The following CECR2 variants were observed in gnomAD, a reference collection of about 807,000 sequenced individuals.
CECR2 encodes CECR2 histone acetyl-lysine reader, also known as chromatin remodeling regulator CECR2.
CECR2 carries 30 observed loss-of-function variants against 154.5 expected under a neutral mutation model. The observed-to-expected ratio is 0.19, with a 90% CI of 0.15 to 0.26. CECR2 has a LOEUF of 0.26. Among genes scored for constraint, CECR2 ranks in the 10% least tolerant of loss-of-function variants. CECR2 has a pLI of 1.00. For missense variants in CECR2, 1,743 were observed against 1,829.3 expected, an observed-to-expected ratio of 0.95 and a Z score of 0.86; for synonymous variants, 725 against 683.7, an observed-to-expected ratio of 1.06 and a Z score of -0.94.
At chr22:17,475,310 T>C (rs569303897) in intron 1 of CECR2, among the ~76,000 whole-genome samples, 4 of 152,248 alleles carry the variant, frequency 2.6e-5, no homozygotes, top group African/African-American at 9.6e-5. Context: ...CTTTCTAGAA[T>C]GGAGAACATT....
chr22:17,485,636 C>CA (rs981078404), intron 2 of CECR2, among the ~76,000 whole-genome samples: 2 of 151,944 alleles, frequency 1.3e-5, no homozygotes, highest in African/African-American at 4.8e-5. Flanking sequence ...TAGTGGGGTA[C>CA]AGTGGCGCAC....
At chr22:17,510,523 G>T (rs1016608518) in intron 7 of CECR2, among the ~76,000 whole-genome samples, 5 of 151,994 alleles carry the variant, frequency 3.3e-5, no homozygotes, top group Non-Finnish European at 7.4e-5. Context: ...TAGGTTTTTC[G>T]GGACAAGTAC....
rs568685769 is a variant in CECR2 at position 17,407,323 on chromosome 22, C to T, written c.126+37414C>T. ...GGCTATAATTGAAAGAGGCCGGGTG[C>T]GGTGGCTCACGCCTGTAATCCCAGC... is the stretch of plus-strand genomic sequence containing the variant. On this transcript the variant is annotated intron_variant, in intron 1 of 18. Transcript: ENST00000262608. 5.9e-5 allele frequency among the ~76,000 whole-genome samples: 9 copies of T among 152,256 alleles called. No homozygotes were observed. In the South Asian group the frequency reaches 1.7e-3, roughly 28 times the overall value.
At chr22:17,535,241 C>G (rs1165886813) in intron 9 of CECR2, among the ~76,000 whole-genome samples, 3 of 151,942 alleles carry the variant, frequency 2.0e-5, no homozygotes, top group African/African-American at 7.3e-5. Context: ...TCGCTTGAAC[C>G]TGGGAGGCGG....
At chr22:17,480,459 C>CACACACACAG (rs373106595) in intron 2 of CECR2, among the ~76,000 whole-genome samples, 3,309 of 143,508 alleles carry the variant, frequency 0.023, 50 homozygotes, top group Non-Finnish European at 0.03. Context: ...CACACACACA[C>CACACACACAG]AGAGAAAAGT....
intron 1 of CECR2, among the ~76,000 whole-genome samples, chr22:17,472,734 G>A (rs1005797786): frequency 6.6e-6 from 1 of 152,016 alleles, no homozygotes; most frequent in Non-Finnish European, 1.5e-5. Context: ...TTTATACAGG[G>A]ATTAGAAACA....
At chr22:17,378,253 G>A (rs1212752009) in intron 1 of CECR2, among the ~76,000 whole-genome samples, 1 of 151,308 alleles carries the variant, frequency 6.6e-6, no homozygotes, top group Admixed American at 6.6e-5. Flanking sequence ...AAAGTGCTGG[G>A]ATTACAGGTG....
chr22:17,435,101 A>T (rs147377455), intron 1 of CECR2, among the ~76,000 whole-genome samples: 10 of 152,296 alleles, frequency 6.6e-5, no homozygotes, highest in African/African-American at 2.4e-4. Flanking sequence ...TGTTAGTGCC[A>T]GCTGAGTCAT....
chr22:17,401,061 C>G (rs1019600519), intron 1 of CECR2, among the ~76,000 whole-genome samples: 1 of 152,060 alleles, frequency 6.6e-6, no homozygotes, highest in African/African-American at 2.4e-5. Context: ...GCCACCGCGA[C>G]CAGTCCCCAG....
rs879402321 is a variant in CECR2, at chr22:17,554,973, C to T, written c.*2133C>T. On this transcript the variant is annotated 3_prime_UTR_variant, in exon 19 of 19. Coordinates refer to ENST00000262608, the MANE Select transcript of CECR2 (RefSeq NM_001290047.2). Reference sequence around the variant, plus strand: ...TGGCCACTGACAGCCTTTCTCTTTTCCTGGTAATGCTGGTTTGAATCAGAG... The same window carrying T: ...TGGCCACTGACAGCCTTTCTCTTTTTCTGGTAATGCTGGTTTGAATCAGAG... The T allele has an allele frequency of 6.6e-6, 1 of 152,280 alleles. No individual in the cohort carries two copies. The highest frequency in any genetic ancestry group is 6.5e-5 in the Admixed American group (1 of 15,280). The allele number at this position is 152,280 out of a possible 1,614,324, so 9.4% of individuals were successfully genotyped here.
chr22:17,542,030 GTC>G lies in CECR2; in HGVS notation c.2013+67_2013+68del, dbSNP rs1306277959. 3.3e-5 allele frequency: 52 copies of G among 1,581,540 alleles called. 1 individual carries two copies. In the African/African-American group the frequency reaches 6.8e-4, roughly 21 times the overall value. ...CCCACAGGTACGTTTCAGAGAAAAA[GTC>G]TCTTTCCAGGTTAAATGTTGTTCAT... On this transcript the variant is annotated intron_variant, in intron 15 of 18. Coordinates refer to ENST00000262608, the MANE Select transcript of CECR2 (RefSeq NM_001290047.2).
chr22:17,454,604 CAAAA>C (rs533818885), intron 1 of CECR2, among the ~76,000 whole-genome samples: 1 of 88,494 alleles, frequency 1.1e-5, no homozygotes, highest in Non-Finnish European at 2.6e-5. Context: ...GACTCCGTCT[CAAAA>C]AAAAAAAAAA....
intron 1 of CECR2, among the ~76,000 whole-genome samples, chr22:17,418,333 C>T (rs1197231851): frequency 6.6e-6 from 1 of 152,174 alleles, no homozygotes; most frequent in Non-Finnish European, 1.5e-5. Flanking sequence ...AGTAATTGTG[C>T]ATCCTCAAGC....
At chr22:17,529,287 G>A (rs1278144307) in intron 9 of CECR2, among the ~76,000 whole-genome samples, 1 of 151,906 alleles carries the variant, frequency 6.6e-6, no homozygotes, top group Non-Finnish European at 1.5e-5. Context: ...CTGGCTGGAA[G>A]TCCCGGCGCG....
chr22:17,391,746 A>G (rs1302700149), intron 1 of CECR2, among the ~76,000 whole-genome samples: 1 of 152,272 alleles, frequency 6.6e-6, no homozygotes, highest in Admixed American at 6.5e-5. Context: ...AATGAAATAA[A>G]ATTGTAAAAA....
intron 1 of CECR2, among the ~76,000 whole-genome samples, chr22:17,462,066 C>T (rs2054947925): frequency 6.6e-6 from 1 of 151,648 alleles, no homozygotes; most frequent in East Asian, 2.0e-4. Flanking sequence ...GCTGGGACTA[C>T]AGGCATGAGC....
intron 1 of CECR2, among the ~76,000 whole-genome samples, chr22:17,471,230 G>T (rs1170560676): frequency 6.6e-6 from 1 of 152,128 alleles, no homozygotes; most frequent in Non-Finnish European, 1.5e-5. Context: ...GGAAAATTGG[G>T]TCTAAGCGAT....
chr22:17,373,995 G>T (rs978196827), intron 1 of CECR2, among the ~76,000 whole-genome samples: 7 of 152,160 alleles, frequency 4.6e-5, no homozygotes, highest in East Asian at 1.9e-4. Context: ...AGCCAAATGC[G>T]CTGTACAGTA....
At chr22:17,376,433 G>A (rs562256788) in intron 1 of CECR2, among the ~76,000 whole-genome samples, 2 of 133,612 alleles carry the variant, frequency 1.5e-5, no homozygotes, top group South Asian at 2.3e-4. Flanking sequence ...CAGTACTACC[G>A]ATCATCTGCC....
Sources: gnomAD v4.1 joint callset for allele counts (sites outside exome capture counted in the v4.1 genomes callset) on GRCh38, gnomAD v4.1.1 for gene constraint, MANE v1.5 for transcripts, NCBI Gene and HGNC (gene_info 2026-07-23, HGNC 2026-07-21) for gene names.